Variants in MCHR2 observed in about 807,000 individuals in gnomAD.
The protein encoded by MCHR2 is melanin concentrating hormone receptor 2.
Under a neutral mutation model 24.8 loss-of-function variants are expected in MCHR2, and 15 were observed. That is an observed-to-expected ratio of 0.60 (90% confidence interval 0.40 to 0.93). The LOEUF (loss-of-function observed/expected upper bound fraction) is 0.93, where lower values mean the gene tolerates loss of function less well. MCHR2 is among the 40% of genes least tolerant of loss of function. The pLI is 0.00. For synonymous variants in MCHR2, 151 were observed against 147.6 expected (o/e 1.02, Z -0.17); for missense variants, 386 against 408.7 (o/e 0.94, Z 0.48).
At chr6:99,932,855 G>T (rs1774574935) in intron 5 of MCHR2, among the ~76,000 whole-genome samples, 1 of 152,102 alleles carries the variant, frequency 6.6e-6, no homozygotes, top group African/African-American at 2.4e-5. Flanking sequence ...AAAAACTAGT[G>T]AAGTCCAGTA....
intron 1 of MCHR2, among the ~76,000 whole-genome samples, chr6:99,963,941 A>G (rs1278203152): frequency 3.9e-5 from 6 of 152,306 alleles, no homozygotes; most frequent in Admixed American, 3.9e-4. Flanking sequence ...ATAAAAAAAG[A>G]TAGAGAAGCC....
At chr6:99,928,607 T>G (rs1365757845) in intron 5 of MCHR2, among the ~76,000 whole-genome samples, 4 of 152,212 alleles carry the variant, frequency 2.6e-5, no homozygotes, top group Non-Finnish European at 4.4e-5. Context: ...TCTTCTAGAT[T>G]TTTTAGTTTA....
chr6:99,982,829 GA>G (rs1009081943), intron 1 of MCHR2, among the ~76,000 whole-genome samples: 1 of 152,150 alleles, frequency 6.6e-6, no homozygotes, highest in Admixed American at 6.5e-5. Flanking sequence ...GAGACAAATG[GA>G]AAGTGACACT....
At position 99,940,305 on chromosome 6, in the gene MCHR2, T is replaced by C. The variant is rs543591178; in HGVS notation, c.587+2644A>G. Among the ~76,000 whole-genome samples the C allele has an allele frequency of 6.6e-5, 10 of 152,232 alleles. No individual in the cohort carries two copies. In the South Asian group the frequency reaches 2.1e-3, roughly 32 times the overall value. ...TCATTCCTTTTTCTGACTGTGTATTTTCAAATAGCCTGTCTTTGAGCTCAC... is the reference window on the plus strand; with the variant it reads ...TCATTCCTTTTTCTGACTGTGTATTCTCAAATAGCCTGTCTTTGAGCTCAC... On this transcript the variant is annotated intron_variant, in intron 4 of 5. Coordinates refer to ENST00000281806, the MANE Select transcript of MCHR2 (RefSeq NM_001040179.2).
chr6:99,932,550 T>C (rs2114502041), intron 5 of MCHR2, among the ~76,000 whole-genome samples: 1 of 152,334 alleles, frequency 6.6e-6, no homozygotes, highest in East Asian at 1.9e-4. Context: ...TAATCAAGGC[T>C]AGTATCAACA....
At chr6:99,973,714 A>G (rs1582404659) in intron 1 of MCHR2, among the ~76,000 whole-genome samples, 1 of 151,980 alleles carries the variant, frequency 6.6e-6, no homozygotes, top group South Asian at 2.1e-4. Flanking sequence ...TTTCCTTTCC[A>G]TGTTTAGTGC....
intron 2 of MCHR2, among the ~76,000 whole-genome samples, chr6:99,948,655 T>C (rs1032816165): frequency 6.6e-6 from 1 of 152,138 alleles, no homozygotes; most frequent in Non-Finnish European, 1.5e-5. Flanking sequence ...CAAGCCACTA[T>C]GTTTGGGGTA....
At position 99,920,993 on chromosome 6, in the gene MCHR2, CTCT is replaced by C. The variant is rs1774214258; in HGVS notation, c.967_969del (p.Arg323del). 1 of 1,614,132 alleles carries C rather than the reference CTCT, an allele frequency of 6.2e-7. No individual in the cohort carries two copies. Among genetic ancestry groups the C allele is most frequent in the South Asian group, 1.1e-5 (1 of 91,078 alleles). ...ATATTGTTGATTTCCTTCTCAGTCG[CTCT>C]TCTTTGGATTTGAGGCAGACGTTTC... On this transcript the variant is annotated inframe_deletion, in exon 6 of 6. Transcript: ENST00000281806.
In MCHR2 at chr6:99,956,133, A is replaced by C; in HGVS notation, c.15T>G (p.His5Gln). ...CGGCAGAGGTGTTCCAACAAGATGCATGAAATGGATTCATTGTTCGTGGAC... is the reference window on the plus strand; with the variant it reads ...CGGCAGAGGTGTTCCAACAAGATGCCTGAAATGGATTCATTGTTCGTGGAC... MNPF[H>Q]ASCWNTSAEL... The change falls in exon 2 of 6, where the codon CAT becomes CAG. Residue 5 changes from histidine to glutamine, a missense_variant. Transcript: ENST00000281806. 6.2e-7 allele frequency: 1 copy of C among 1,611,492 alleles called. No individual in the cohort carries two copies. Among genetic ancestry groups the C allele is most frequent in the Non-Finnish European group, 8.5e-7 (1 of 1,178,766 alleles).
rs188507628 is a variant in MCHR2, at chr6:99,990,460, A to T, written c.-28+3476T>A. On this transcript the variant is annotated intron_variant, in intron 1 of 5. Coordinates refer to ENST00000281806, the MANE Select transcript of MCHR2 (RefSeq NM_001040179.2). ...CATTTACTTCAATGATGATCAGATAATCATGCCAGAAGCTAGTATTCAAGA... is the reference window on the plus strand; with the variant it reads ...CATTTACTTCAATGATGATCAGATATTCATGCCAGAAGCTAGTATTCAAGA... Among the ~76,000 whole-genome samples, 399 of 152,284 alleles carry T rather than the reference A, an allele frequency of 2.6e-3. 3 individuals are homozygous for T. Among genetic ancestry groups the T allele is most frequent in the African/African-American group, 9.0e-3 (372 of 41,558 alleles).
In MCHR2 at chr6:99,947,794, A is replaced by G. The variant is rs1481638036; in HGVS notation, c.360T>C (p.Cys120=). 3.1e-6 allele frequency: 5 copies of G among 1,613,676 alleles called. No homozygotes were observed. The highest frequency in any genetic ancestry group is 4.2e-6 in the Non-Finnish European group (5 of 1,179,772). The change falls in exon 3 of 6, where the codon TGT becomes TGC. Residue 120 remains cysteine (C), a synonymous_variant. Transcript: ENST00000281806. ...CACTCATTACAGTCATGATGGCACT[A>G]CAGGCAAATTGGTTACAAGTATCCA... is the stretch of plus-strand genomic sequence containing the variant. The part of the protein sequence containing the change: ...TSLDTCNQFA[C]SAIMTVMSVD...
chr6:99,982,774 A>G (rs888439192), intron 1 of MCHR2, among the ~76,000 whole-genome samples: 1 of 152,102 alleles, frequency 6.6e-6, no homozygotes, highest in African/African-American at 2.4e-5. Flanking sequence ...CAAATTGAGC[A>G]CTCAAACATT....
At position 99,919,406 on chromosome 6, in the gene MCHR2, T is replaced by C. The variant is rs1774180649; in HGVS notation, c.*1534A>G. Among the ~76,000 whole-genome samples, 1 of 152,212 alleles carries C rather than the reference T, an allele frequency of 6.6e-6. No individual in the cohort carries two copies. Among genetic ancestry groups the C allele is most frequent in the Non-Finnish European group, 1.5e-5 (1 of 68,032 alleles). ...TTGAAATATAAAAATGGAGATCAGA[T>C]ATAAAAATGGTTAACTCTTTTTCTA... On this transcript the variant is annotated 3_prime_UTR_variant, in exon 6 of 6. Coordinates refer to ENST00000281806, the MANE Select transcript of MCHR2 (RefSeq NM_001040179.2).
At chr6:99,931,604 A>C (rs1248518593) in intron 5 of MCHR2, among the ~76,000 whole-genome samples, 1 of 152,060 alleles carries the variant, frequency 6.6e-6, no homozygotes, top group African/African-American at 2.4e-5. Flanking sequence ...CTGTGCTAGC[A>C]ATTAGCGAGA....
At chr6:99,971,234 A>C (rs148898469) in intron 1 of MCHR2, among the ~76,000 whole-genome samples, 4 of 151,960 alleles carry the variant, frequency 2.6e-5, no homozygotes, top group South Asian at 2.1e-4. Flanking sequence ...CTCTTATTTC[A>C]TTGAGCAGTG....
chr6:99,932,008 G>A (rs1167827905), intron 5 of MCHR2, among the ~76,000 whole-genome samples: 1 of 152,112 alleles, frequency 6.6e-6, no homozygotes, highest in East Asian at 1.9e-4. Flanking sequence ...TTTTATTTCT[G>A]ATTGAAGTTC....
intron 1 of MCHR2, among the ~76,000 whole-genome samples, chr6:99,958,578 T>C (rs1031827898): frequency 4.0e-5 from 6 of 151,850 alleles, no homozygotes; most frequent in African/African-American, 1.5e-4. Flanking sequence ...ATCAAGATGG[T>C]AAAACAGGAA....
chr6:99,947,548 A>C (rs574139005), intron 3 of MCHR2, among the ~76,000 whole-genome samples: 139 of 152,246 alleles, frequency 9.1e-4, no homozygotes, highest in African/African-American at 3.3e-3. Flanking sequence ...AAGAATGATT[A>C]GAAAAAAGGA....
chr6:99,958,646 T>C (rs1468040281), intron 1 of MCHR2, among the ~76,000 whole-genome samples: 3 of 152,128 alleles, frequency 2.0e-5, no homozygotes, highest in African/African-American at 7.2e-5. Flanking sequence ...CATGGAACAA[T>C]TCCCTTTGTG....
Sources: gnomAD v4.1 joint callset for allele counts (sites outside exome capture counted in the v4.1 genomes callset) on GRCh38, gnomAD v4.1.1 for gene constraint, MANE v1.5 for transcripts, NCBI Gene and HGNC (gene_info 2026-07-23, HGNC 2026-07-21) for gene names.